Variants in MGMT observed in about 807,000 individuals in gnomAD.
MGMT encodes methylated-DNA--protein-cysteine methyltransferase.
Under a neutral mutation model 15.9 loss-of-function variants are expected in MGMT, and 14 were observed. The observed-to-expected ratio is 0.88, with a 90% CI of 0.58 to 1.37. The LOEUF (loss-of-function observed/expected upper bound fraction) is 1.37. MGMT is among the 40% of genes most tolerant of loss of function. The pLI is 0.00. For synonymous variants in MGMT, 130 were observed against 118.2 expected, an observed-to-expected ratio of 1.10 and a Z score of -0.65; for missense variants, 282 against 268.1, an observed-to-expected ratio of 1.05 and a Z score of -0.36.
intron 2 of MGMT, chr10:129,564,234 CCT>C (rs1846316655): frequency 1.2e-5 from 1 of 80,068 alleles, no homozygotes; most frequent in African/African-American, 5.0e-5. Context: ...CCTTCCCCCT[CCT>C]CTTCCCCCTT....
chr10:129,729,901 ACC>A (rs1848476581), intron 3 of MGMT, among the ~76,000 whole-genome samples: 1 of 151,988 alleles, frequency 6.6e-6, no homozygotes, highest in African/African-American at 2.4e-5. Flanking sequence ...AGACCCACCC[ACC>A]CCCTTAGATT....
At chr10:129,474,003 G>A (rs1261239581) in intron 1 of MGMT, among the ~76,000 whole-genome samples, 2 of 152,192 alleles carry the variant, frequency 1.3e-5, no homozygotes, top group Admixed American at 6.5e-5. Context: ...AAACATTTGC[G>A]GGACTGTGGC....
intron 1 of MGMT, among the ~76,000 whole-genome samples, chr10:129,529,148 G>A (rs983701824): frequency 9.9e-5 from 15 of 151,912 alleles, no homozygotes; most frequent in African/African-American, 3.1e-4. Flanking sequence ...AAGCGAGAGC[G>A]AGGCTGGAGT....
At chr10:129,519,921 C>T (rs748749859) in intron 1 of MGMT, among the ~76,000 whole-genome samples, 45 of 152,082 alleles carry the variant, frequency 3.0e-4, no homozygotes, top group African/African-American at 9.2e-4. Context: ...GTGGCTTACA[C>T]CTGTAATCTC....
chr10:129,598,279 A>G (rs1348638616), intron 2 of MGMT, among the ~76,000 whole-genome samples: 1 of 152,160 alleles, frequency 6.6e-6, no homozygotes, highest in Admixed American at 6.5e-5. Context: ...CCTGAGATTG[A>G]ACCCTGCGTG....
chr10:129,743,612 C>T (rs753422386), intron 3 of MGMT, among the ~76,000 whole-genome samples: 4 of 152,236 alleles, frequency 2.6e-5, no homozygotes, highest in Non-Finnish European at 5.9e-5. Flanking sequence ...ATTTAATTCA[C>T]GTAGTGTGTT....
rs141275838 is a variant in MGMT, at chr10:129,568,647, A to G, written c.125+32270A>G. ...GAAAAAAAGGTAAAATATCTTTTAA[A>G]GTCTCCAGTTTCTGAGACCCCTCTG... is the stretch of plus-strand genomic sequence containing the variant. On this transcript the variant is annotated intron_variant, in intron 2 of 4. Transcript: ENST00000651593. 3.7e-3 allele frequency among the ~76,000 whole-genome samples: 560 copies of G among 152,312 alleles called. 1 individual carries two copies. The highest frequency in any genetic ancestry group is 0.013 in the African/African-American group (536 of 41,566).
At chr10:129,467,553 G>A (rs576384769) in intron 1 of MGMT, 610 of 532,008 alleles carry the variant, frequency 1.1e-3, no homozygotes, top group African/African-American at 0.011. Context: ...GGTCGTGGCA[G>A]CCCCTGCCTT....
At chr10:129,592,435 C>T (rs1242278324) in intron 2 of MGMT, among the ~76,000 whole-genome samples, 1 of 152,212 alleles carries the variant, frequency 6.6e-6, no homozygotes, top group Non-Finnish European at 1.5e-5. Context: ...CGTAGATTTG[C>T]ATACCTCAGT....
intron 2 of MGMT, among the ~76,000 whole-genome samples, chr10:129,579,539 A>G (rs1201367273): frequency 6.6e-6 from 1 of 152,240 alleles, no homozygotes; most frequent in Non-Finnish European, 1.5e-5. Flanking sequence ...ACGTTAAGGC[A>G]GGACATCTTT....
intron 2 of MGMT, among the ~76,000 whole-genome samples, chr10:129,707,034 G>A (rs1476242497): frequency 2.0e-5 from 3 of 152,118 alleles, no homozygotes; most frequent in African/African-American, 7.2e-5. Flanking sequence ...GGCCCACGCG[G>A]GCGGATCACC....
intron 4 of MGMT, among the ~76,000 whole-genome samples, chr10:129,759,559 A>T (rs1324318589): frequency 6.6e-6 from 1 of 152,114 alleles, no homozygotes; most frequent in Non-Finnish European, 1.5e-5. Flanking sequence ...TACCGGGAGC[A>T]CATCTCCACT....
rs1016886522 is a variant in MGMT, at chr10:129,533,638, A to G, written c.-12-2603A>G. Among the ~76,000 whole-genome samples, 2 of 152,132 alleles carry G rather than the reference A, an allele frequency of 1.3e-5. No individual in the cohort carries two copies. Among genetic ancestry groups the G allele is most frequent in the African/African-American group, 4.8e-5 (2 of 41,420 alleles). On this transcript the variant is annotated intron_variant, in intron 1 of 4. Transcript: ENST00000651593. The surrounding 1 kb of genome is among the most constrained non-coding windows in gnomAD (Gnocchi z 4.5). ...TATCTTCTGTGAACATACTTTGGGA[A>G]ATGATCTCATGGACGCTTGGCCTGG... is the stretch of plus-strand genomic sequence containing the variant.
intron 1 of MGMT, among the ~76,000 whole-genome samples, chr10:129,524,851 A>C (rs1484536783): frequency 6.6e-6 from 1 of 152,042 alleles, no homozygotes; most frequent in Non-Finnish European, 1.5e-5. Context: ...CGGCCTCCCA[A>C]AGTGCTGGGA....
intron 2 of MGMT, among the ~76,000 whole-genome samples, chr10:129,658,753 T>C (rs1365582417): frequency 6.6e-6 from 1 of 152,212 alleles, no homozygotes; most frequent in African/African-American, 2.4e-5. Context: ...ATTAACCTGA[T>C]TGGCTAGCTG....
intron 2 of MGMT, among the ~76,000 whole-genome samples, chr10:129,684,370 CA>C (rs1847883676): frequency 1.3e-5 from 2 of 152,268 alleles, no homozygotes; most frequent in South Asian, 4.1e-4. Flanking sequence ...GAGGGAGATG[CA>C]GGGGGGCCAT....
At chr10:129,530,728 G>T (rs1207940198) in intron 1 of MGMT, among the ~76,000 whole-genome samples, 4 of 152,230 alleles carry the variant, frequency 2.6e-5, no homozygotes, top group Admixed American at 6.5e-5. Context: ...AGCAGGACCG[G>T]CCTGGCCATG....
chr10:129,680,705 T>C (rs1847841921), intron 2 of MGMT, among the ~76,000 whole-genome samples: 2 of 152,162 alleles, frequency 1.3e-5, no homozygotes, highest in African/African-American at 4.8e-5. Context: ...AGTCGTCAGG[T>C]ATTTCCTCAG....
chr10:129,720,180 C>T (rs1272903246), intron 3 of MGMT, among the ~76,000 whole-genome samples: 1 of 152,216 alleles, frequency 6.6e-6, no homozygotes, highest in Non-Finnish European at 1.5e-5. Context: ...GGAGCCAATT[C>T]ATACTGTAAC....
Sources: gnomAD v4.1 joint callset for allele counts (sites outside exome capture counted in the v4.1 genomes callset) on GRCh38, gnomAD v4.1.1 for gene constraint, Gnocchi (gnomAD v3.1) non-coding constraint, MANE v1.5 for transcripts, NCBI Gene and HGNC (gene_info 2026-07-23, HGNC 2026-07-21) for gene names.